TPST2: variants seen among roughly 807,000 people sequenced by gnomAD.
TPST2 encodes the protein protein-tyrosine sulfotransferase 2.
In TPST2, 16 loss-of-function variants were observed where a neutral mutation model predicts 27.8. The ratio of observed to expected loss-of-function variants is 0.58; its 90% confidence interval spans 0.39 to 0.88. The LOEUF (loss-of-function observed/expected upper bound fraction) is 0.88. Among genes scored for constraint, TPST2 ranks in the 40% least tolerant of loss-of-function variants. The pLI, the probability that TPST2 is intolerant of heterozygous loss-of-function variation, is 0.00. For synonymous variants in TPST2, 229 were observed against 231.7 expected (o/e 0.99, Z 0.10); for missense variants, 464 against 543.1 (o/e 0.85, Z 1.45).
rs150962702 is a variant in TPST2, at chr22:26,565,279, C to T, written c.-160-20604G>A. ...GAGGCGAGGGTCAGGCTCGAGCTGG[C>T]AGGTGGCTGGAGTGGGGACCACCAG... is the stretch of plus-strand genomic sequence containing the variant. On this transcript the variant is annotated intron_variant, in intron 1 of 6. Transcript: ENST00000338754. The T allele has an allele frequency of 4.1e-3, 624 of 152,640 alleles. 2 individuals are homozygous for T. Among genetic ancestry groups the T allele is most frequent in the Non-Finnish European group, 6.4e-3 (434 of 68,222 alleles). 9.5% of individuals were successfully genotyped at this position (152,640 alleles called of 1,614,324 possible).
chr22:26,527,545 C>G (rs4820684), intron 6 of TPST2, among the ~76,000 whole-genome samples: 51,953 of 152,138 alleles, frequency 0.34, 9,223 homozygotes, highest in African/African-American at 0.41. Context: ...TCCCTTTCCC[C>G]ACCCCTTAGT....
chr22:26,554,641 G>C (rs4822738), intron 1 of TPST2, among the ~76,000 whole-genome samples: 1 of 152,180 alleles, frequency 6.6e-6, no homozygotes, highest in African/African-American at 2.4e-5. Flanking sequence ...ATTAACACTT[G>C]TGAAGACTAA....
intron 1 of TPST2, among the ~76,000 whole-genome samples, chr22:26,549,315 G>A (rs1468595671): frequency 2.6e-5 from 4 of 152,132 alleles, no homozygotes; most frequent in Non-Finnish European, 4.4e-5. Context: ...TTCCAAATGC[G>A]GTTCTGCCTC....
intron 1 of TPST2, among the ~76,000 whole-genome samples, chr22:26,587,211 C>G (rs1377489994): frequency 6.6e-6 from 1 of 152,152 alleles, no homozygotes; most frequent in Non-Finnish European, 1.5e-5. Context: ...CCTCAGCTGG[C>G]AAGGGGGCTC....
intron 6 of TPST2, among the ~76,000 whole-genome samples, chr22:26,527,416 T>C (rs565139429): frequency 7.0e-4 from 107 of 152,282 alleles, no homozygotes; most frequent in Admixed American, 1.5e-3. Context: ...TCACGCCATC[T>C]CATGGCCAAC....
intron 1 of TPST2, chr22:26,560,620 C>G: frequency 7.8e-7 from 1 of 1,276,466 alleles, no homozygotes; most frequent in Admixed American, 1.7e-5. Flanking sequence ...AAGAAGCACC[C>G]AGATGCTTCA....
At chr22:26,586,395 G>A (rs7292861) in intron 1 of TPST2, among the ~76,000 whole-genome samples, 50,720 of 151,828 alleles carry the variant, frequency 0.33, 8,969 homozygotes, top group Admixed American at 0.43. Flanking sequence ...GAATACAGGC[G>A]CGCACCACCA....
intron 1 of TPST2, among the ~76,000 whole-genome samples, chr22:26,547,321 AACTCCTGG>A (rs1401930448): frequency 6.6e-6 from 1 of 152,076 alleles, no homozygotes; most frequent in Non-Finnish European, 1.5e-5. Context: ...GCTGGTCTCA[AACTCCTGG>A]ACTCAAGCAA....
At chr22:26,539,793 A>C (rs945332961) in intron 3 of TPST2, among the ~76,000 whole-genome samples, 2 of 152,036 alleles carry the variant, frequency 1.3e-5, no homozygotes, top group Non-Finnish European at 2.9e-5. Context: ...AAAAACAAGA[A>C]AAACCCCAAA....
At chr22:26,575,874 T>C (rs1055015250) in intron 1 of TPST2, among the ~76,000 whole-genome samples, 1 of 152,014 alleles carries the variant, frequency 6.6e-6, no homozygotes, top group Non-Finnish European at 1.5e-5. Context: ...TGTGTGCTTG[T>C]AATCCCAGCT....
chr22:26,557,458 G>A (rs868343613), intron 1 of TPST2, among the ~76,000 whole-genome samples: 2 of 152,196 alleles, frequency 1.3e-5, no homozygotes, highest in South Asian at 2.1e-4. Context: ...GAGGGGTGTG[G>A]CTAATGCCTT....
intron 1 of TPST2, among the ~76,000 whole-genome samples, chr22:26,549,691 A>C (rs138447430): frequency 0.054 from 8,009 of 147,482 alleles, 276 homozygotes; most frequent in East Asian, 0.078. Flanking sequence ...AGAAAAAAGA[A>C]AAAAAAAATA....
chr22:26,550,896 A>C (rs1926434428), intron 1 of TPST2, among the ~76,000 whole-genome samples: 1 of 152,110 alleles, frequency 6.6e-6, no homozygotes, highest in African/African-American at 2.4e-5. Flanking sequence ...ATAATTCTGA[A>C]GCTCTGGACA....
At chr22:26,556,019 C>T (rs550904000) in intron 1 of TPST2, among the ~76,000 whole-genome samples, 1 of 152,212 alleles carries the variant, frequency 6.6e-6, no homozygotes, top group African/African-American at 2.4e-5. Flanking sequence ...ATCTATGGGC[C>T]CCTTCCCAGA....
intron 1 of TPST2, among the ~76,000 whole-genome samples, chr22:26,559,782 T>C (rs1926988834): frequency 1.3e-5 from 2 of 152,192 alleles, no homozygotes; most frequent in Non-Finnish European, 1.5e-5. Flanking sequence ...CCTAGGGCTC[T>C]CCCAGGTCAA....
intron 1 of TPST2, among the ~76,000 whole-genome samples, chr22:26,573,110 C>A (rs1218631102): frequency 1.3e-5 from 2 of 152,172 alleles, no homozygotes; most frequent in African/African-American, 2.4e-5. Context: ...CCTGGCTCTA[C>A]CTTCTTCCTC....
chr22:26,569,700 A>G (rs886482042), intron 1 of TPST2, among the ~76,000 whole-genome samples: 13 of 151,916 alleles, frequency 8.6e-5, no homozygotes, highest in Non-Finnish European at 1.9e-4. Flanking sequence ...CTGTAATCCC[A>G]GCACTTTGGG....
rs567055943 is a variant in TPST2, at chr22:26,586,058, A to C, written c.-161+3995T>G. 2.8e-4 allele frequency among the ~76,000 whole-genome samples: 42 copies of C among 151,992 alleles called. No homozygotes were observed. In the South Asian group the frequency reaches 2.9e-3, roughly 11 times the overall value. ...ACTCCGTCTCAAAAATAATAATAAT[A>C]ATAATCATAATAATACATTTCAACA... On this transcript the variant is annotated intron_variant, in intron 1 of 6. Transcript: ENST00000338754.
intron 1 of TPST2, among the ~76,000 whole-genome samples, chr22:26,553,307 T>C (rs2147207144): frequency 6.6e-6 from 1 of 151,132 alleles, no homozygotes; most frequent in East Asian, 1.9e-4. Context: ...GCATAGGGAA[T>C]CATCCAGCAT....
Sources: allele counts gnomAD v4.1 joint callset (sites outside exome capture counted in the v4.1 genomes callset), GRCh38; gene constraint gnomAD v4.1.1; transcripts MANE v1.5; gene names NCBI Gene and HGNC (gene_info 2026-07-23, HGNC 2026-07-21).